PRCD: variants seen among roughly 807,000 people sequenced by gnomAD.
The protein encoded by PRCD is photoreceptor disc component.
A neutral mutation model predicts 10.1 loss-of-function variants in PRCD; 12 were observed. The ratio of observed to expected loss-of-function variants is 1.18; its 90% CI spans 0.76 to 1.92. The LOEUF is 1.92. Ranked by LOEUF, PRCD falls within the 40% of genes most tolerant of loss-of-function variation. The probability of loss-of-function intolerance (pLI) is 0.00; values close to 1 mark genes in which losing one functional copy is unlikely to be tolerated. For missense variants in PRCD, 61 were observed against 72.2 expected (o/e 0.84, Z 0.56); for synonymous variants, 31 against 26.2 (o/e 1.18, Z -0.56).
chr17:76,549,843 G>C (rs1306175164), downstream of PRCD: 1 of 152,236 alleles, frequency 6.6e-6, no homozygotes, highest in Non-Finnish European at 1.5e-5. Flanking sequence ...CGGAATTCTA[G>C]AACAGGCAGA....
In PRCD at chr17:76,531,576, C is replaced by T; in HGVS notation, n.45+3743C>T. 2 of 1,614,066 alleles carry T rather than the reference C, an allele frequency of 1.2e-6. No homozygotes were observed. The highest frequency in any genetic ancestry group is 1.7e-5 in the Admixed American group (1 of 60,018). ...TTCTCCACGACAGTGTTGAGGGCCC[C>T]CATGACTCGGCAGGCGTGCTTCCGC... On this transcript the variant is annotated intron_variant and non_coding_transcript_variant, in intron 1 of 4. Transcript: ENST00000397633. This position sits in a 1 kb window ranked among gnomAD's most constrained non-coding sequence, Gnocchi z 7.4.
In PRCD at chr17:76,541,000, C is replaced by CA. The variant is rs1451452787; in HGVS notation, c.143+429dup. 1.3e-5 allele frequency among the ~76,000 whole-genome samples: 2 copies of CA among 152,186 alleles called. No individual in the cohort carries two copies. Among genetic ancestry groups the CA allele is most frequent in the Non-Finnish European group, 1.5e-5 (1 of 68,040 alleles). On this transcript the variant is annotated intron_variant, in intron 2 of 4. Transcript: ENST00000592014. The surrounding 1 kb of genome is among the most constrained non-coding windows in gnomAD (Gnocchi z 5.0). ...CCAGCAGGATTCGCTGTCCAGTCCC[C>CA]AATAGAAGGCGCGGGAGGAGCATGA... is the stretch of plus-strand genomic sequence containing the variant.
chr17:76,532,817 G>C (rs2074863813), intron 1 of PRCD, among the ~76,000 whole-genome samples: 3 of 152,036 alleles, frequency 2.0e-5, no homozygotes, highest in Non-Finnish European at 2.9e-5. Flanking sequence ...GATTACAGGT[G>C]TGAGCCACCA....
rs777836442 is a variant in PRCD at position 76,528,507 on chromosome 17, G to A, written n.45+674G>A. The A allele has an allele frequency of 7.4e-6, 9 of 1,219,530 alleles. No individual in the cohort carries two copies. The East Asian group carries it at 9.5e-5, about 13-fold the overall frequency. 75.5% of individuals were successfully genotyped at this position (1,219,530 alleles called of 1,614,324 possible). On this transcript the variant is annotated intron_variant and non_coding_transcript_variant, in intron 1 of 4. Coordinates refer to the PRCD transcript ENST00000397633. This position sits in a 1 kb window ranked among gnomAD's most constrained non-coding sequence, Gnocchi z 5.8. ...CTTCCTTGGCACCCAGAAATGGAGCGTCAAGGAGGGTCTTCAGAACTCGGC... is the reference window on the plus strand; with the variant it reads ...CTTCCTTGGCACCCAGAAATGGAGCATCAAGGAGGGTCTTCAGAACTCGGC...
intron 2 of PRCD, 86 bp from the exon 3 acceptor site, chr17:76,542,467 G>A (rs2075002979): frequency 6.7e-7 from 1 of 1,495,624 alleles, no homozygotes; most frequent in Admixed American, 1.7e-5. Context: ...TGAATTGATA[G>A]GGATGGGAGG....
Position 76,540,162 on chromosome 17 carries a change from G to A in PRCD, c.21G>A (p.Leu7=), listed in dbSNP as rs1205814447. 1 of 1,602,522 alleles carries A rather than the reference G, an allele frequency of 6.2e-7. No homozygotes were observed. The highest frequency in any genetic ancestry group is 1.1e-5 in the South Asian group (1 of 89,520). ...GCGCCATGTGCACCACCCTTTTCCT[G>A]CTCAGCACCCTGGCCATGCTCTGGC... is the stretch of plus-strand genomic sequence containing the variant. MCTTLF[L]LSTLAMLWRR... Residue 7 remains leucine (L), a synonymous_variant, in exon 1 of 5, where the codon CTG becomes CTA. Transcript: ENST00000592014. This position sits in a 1 kb window ranked among gnomAD's most constrained non-coding sequence, Gnocchi z 5.0.
rs962918288 is a variant in PRCD, at chr17:76,533,274, C to T, written n.45+5441C>T. ...AGGGCAAGAGGAGGGCCCCCGCTCA[C>T]TGCTTCATGGATACACGGGTGAGGA... On this transcript the variant is annotated intron_variant and non_coding_transcript_variant, in intron 1 of 4. Transcript: ENST00000397633. The surrounding 1 kb of genome is among the most constrained non-coding windows in gnomAD (Gnocchi z 4.5). Among the ~76,000 whole-genome samples the T allele has an allele frequency of 2.6e-5, 4 of 152,212 alleles. No homozygotes were observed. Among genetic ancestry groups the T allele is most frequent in the Non-Finnish European group, 5.9e-5 (4 of 68,044 alleles).
At chr17:76,534,375 C>T (rs1330804826) in intron 1 of PRCD, among the ~76,000 whole-genome samples, 1 of 152,154 alleles carries the variant, frequency 6.6e-6, no homozygotes, top group East Asian at 1.9e-4. Flanking sequence ...GACGGGGTTT[C>T]GCCATGCTGG....
exon 2 of PRCD, chr17:76,553,577 T>C (rs1402761724): frequency 6.6e-6 from 1 of 152,246 alleles, no homozygotes; most frequent in African/African-American, 2.4e-5. Flanking sequence ...GGTAGAGAAA[T>C]TAACCTCAAT....
At chr17:76,538,378 G>C (rs2074947685), upstream of PRCD, 1 of 372,828 alleles carries the variant, frequency 2.7e-6, no homozygotes, top group East Asian at 1.0e-4. Flanking sequence ...CGGAACTTGA[G>C]CGCACCTCCG....
chr17:76,540,242 G>T lies in PRCD; in HGVS notation c.74+27G>T. ...TGAGAAACTGACCGGGCTATGGCTGGCGGTTGGTCGGGGGGGGGGGGCATG... is the reference window on the plus strand; with the variant it reads ...TGAGAAACTGACCGGGCTATGGCTGTCGGTTGGTCGGGGGGGGGGGGCATG... On this transcript the variant is annotated intron_variant, in intron 1 of 4. Transcript: ENST00000592014. This position sits in a 1 kb window ranked among gnomAD's most constrained non-coding sequence, Gnocchi z 5.0. 1 of 1,480,314 alleles carries T rather than the reference G, an allele frequency of 6.8e-7. No homozygotes were observed. Among genetic ancestry groups the T allele is most frequent in the East Asian group, 2.4e-5 (1 of 41,272 alleles). 91.7% of individuals were successfully genotyped at this position (1,480,314 alleles called of 1,614,324 possible).
At chr17:76,542,050 T>C (rs758320610) in intron 2 of PRCD, among the ~76,000 whole-genome samples, 18 of 152,084 alleles carry the variant, frequency 1.2e-4, no homozygotes, top group Non-Finnish European at 1.8e-4. Flanking sequence ...AGGACATGTG[T>C]TTTTAATCTT....
At chr17:76,546,135 C>T (rs4648340), downstream of PRCD, 51,051 of 152,214 alleles carry the variant, frequency 0.34, 10,633 homozygotes, top group African/African-American at 0.59. This position sits in a 1 kb window ranked among gnomAD's most constrained non-coding sequence, Gnocchi z 4.5. Context: ...TGCTGTGGTA[C>T]CTTCCTCCGT....
chr17:76,537,439 T>C (rs151243709), upstream of PRCD: 13 of 1,598,664 alleles, frequency 8.1e-6, no homozygotes, highest in Non-Finnish European at 1.1e-5. Context: ...GCAGTTGGCA[T>C]AGAGCCGGGC....
At chr17:76,548,073 T>A (rs2075072609), downstream of PRCD, among the ~76,000 whole-genome samples, 1 of 150,952 alleles carries the variant, frequency 6.6e-6, no homozygotes, top group Non-Finnish European at 1.5e-5. Context: ...CAGACATACA[T>A]GTACACACAC....
exon 2 of PRCD, chr17:76,553,517 T>C (rs2075130689): frequency 6.6e-6 from 1 of 152,258 alleles, no homozygotes. Context: ...TCTGGGATAC[T>C]ACCTACCTTC....
rs2143140372 is a variant in PRCD at position 76,540,211 on chromosome 17, C to T, written c.70C>T (p.Gln24Ter). Reference sequence around the variant, plus strand: ...GCGCCGCCGATTTGCCAACCGAGTCCAACCGTGAGAAACTGACCGGGCTAT... The same window carrying T: ...GCGCCGCCGATTTGCCAACCGAGTCTAACCGTGAGAAACTGACCGGGCTAT... ...LWRRRFANRV[Q>*]PEPSDVDGAA... is the part of the protein sequence containing the mutation. Residue 24 changes from glutamine (Q) to a stop codon, truncating the protein, a stop_gained, in exon 1 of 5, where the codon CAA becomes TAA. Transcript: ENST00000592014. LOFTEE classifies it high-confidence loss of function. The surrounding 1 kb of genome is among the most constrained non-coding windows in gnomAD (Gnocchi z 5.0). 1 of 1,588,076 alleles carries T rather than the reference C, an allele frequency of 6.3e-7. No individual in the cohort carries two copies. The highest frequency in any genetic ancestry group is 8.5e-7 in the Non-Finnish European group (1 of 1,172,356).
rs975811105 is a variant in PRCD at position 76,534,552 on chromosome 17, T to C, written n.46-5953T>C. On this transcript the variant is annotated intron_variant and non_coding_transcript_variant, in intron 1 of 4. Transcript: ENST00000397633. ...ACTGATGAGGAAACAACAGGGAACA[T>C]TTATTGAGCACTTACTGTACGATCT... Among the ~76,000 whole-genome samples the C allele has an allele frequency of 7.9e-5, 12 of 152,346 alleles. 1 individual carries two copies. The highest frequency in any genetic ancestry group is 3.9e-4 in the Admixed American group (6 of 15,310).
chr17:76,548,950 T>A (rs1598219705), downstream of PRCD, among the ~76,000 whole-genome samples: 3 of 152,248 alleles, frequency 2.0e-5, no homozygotes, highest in East Asian at 5.8e-4. Context: ...CGGACCACAG[T>A]GGCTTTGCTA....
Sources: gnomAD v4.1 joint callset for allele counts (sites outside exome capture counted in the v4.1 genomes callset) on GRCh38, gnomAD v4.1.1 for gene constraint, Gnocchi (gnomAD v3.1) non-coding constraint, MANE v1.5 for transcripts, NCBI Gene and HGNC (gene_info 2026-07-23, HGNC 2026-07-21) for gene names.